Variants in PPP3CA observed in about 807,000 individuals in gnomAD.
PPP3CA encodes the protein protein phosphatase 3 catalytic subunit alpha.
Under a neutral mutation model 66.5 loss-of-function variants are expected in PPP3CA, and 14 were observed. The observed-to-expected ratio is 0.21, with a 90% CI of 0.14 to 0.33. The LOEUF (loss-of-function observed/expected upper bound fraction) is 0.33, where lower values mean the gene tolerates loss of function less well. PPP3CA is among the 10% of genes least tolerant of loss of function. PPP3CA has a pLI of 1.00. For missense variants in PPP3CA, 317 were observed against 639.5 expected (o/e 0.50, Z 5.44); for synonymous variants, 232 against 226.2 (o/e 1.03, Z -0.23).
intron 2 of PPP3CA, among the ~76,000 whole-genome samples, chr4:101,195,379 A>C (rs1189631384): frequency 1.3e-5 from 2 of 152,180 alleles, no homozygotes; most frequent in Non-Finnish European, 2.9e-5. Flanking sequence ...TGTGCATCAG[A>C]ATCACACAGA....
At chr4:101,033,487 G>A (rs1361058588) in intron 11 of PPP3CA, among the ~76,000 whole-genome samples, 4 of 152,184 alleles carry the variant, frequency 2.6e-5, no homozygotes, top group Admixed American at 1.3e-4. Flanking sequence ...AGTTACTTAA[G>A]AGTAAGGGAT....
chr4:101,251,415 G>T (rs1726673377), intron 1 of PPP3CA, among the ~76,000 whole-genome samples: 2 of 151,950 alleles, frequency 1.3e-5, no homozygotes, highest in African/African-American at 4.8e-5. Context: ...AAATATGACT[G>T]ACACGCAGTA....
At chr4:101,201,275 A>T (rs555869869) in intron 1 of PPP3CA, among the ~76,000 whole-genome samples, 2 of 152,340 alleles carry the variant, frequency 1.3e-5, no homozygotes, top group Admixed American at 1.3e-4. Context: ...TGGAAATTAA[A>T]TTTCTTAGCC....
At chr4:101,093,740 C>G in intron 6 of PPP3CA, 36 bp downstream of exon 6, 1 of 1,543,392 alleles carries the variant, frequency 6.5e-7, no homozygotes. Flanking sequence ...CATTATGATG[C>G]AAACGTGTTC....
At chr4:101,129,084 A>G (rs945376554) in intron 2 of PPP3CA, among the ~76,000 whole-genome samples, 1 of 152,130 alleles carries the variant, frequency 6.6e-6, no homozygotes, top group African/African-American at 2.4e-5. Flanking sequence ...GCCATTACTG[A>G]GGCTTGAGTA....
chr4:101,296,320 T>G (rs1265437121), intron 1 of PPP3CA, among the ~76,000 whole-genome samples: 2 of 152,170 alleles, frequency 1.3e-5, no homozygotes, highest in Non-Finnish European at 2.9e-5. Flanking sequence ...CTATTATGTT[T>G]GTTTTTAAAA....
At chr4:101,266,955 G>C (rs1727187234) in intron 1 of PPP3CA, among the ~76,000 whole-genome samples, 1 of 152,184 alleles carries the variant, frequency 6.6e-6, no homozygotes, top group South Asian at 2.1e-4. Flanking sequence ...AGGAGCATGA[G>C]ACAGACGAAC....
chr4:101,025,250 A>G lies in PPP3CA; in HGVS notation c.*615T>C, dbSNP rs896565688. On this transcript the variant is annotated 3_prime_UTR_variant, in exon 14 of 14. Coordinates refer to ENST00000394854, the MANE Select transcript of PPP3CA (RefSeq NM_000944.5). ...GTAAGCATAATCTGTACAAAATTAAACTGTCCTTTTTGGCATTTTAACAAA... is the reference window on the plus strand; with the variant it reads ...GTAAGCATAATCTGTACAAAATTAAGCTGTCCTTTTTGGCATTTTAACAAA... 6.6e-6 allele frequency: 1 copy of G among 152,118 alleles called. No homozygotes were observed. The highest frequency in any genetic ancestry group is 1.5e-5 in the Non-Finnish European group (1 of 67,944). 9.4% of individuals were successfully genotyped at this position (152,118 alleles called of 1,614,324 possible).
chr4:101,131,488 TA>T (rs747605400), intron 2 of PPP3CA, among the ~76,000 whole-genome samples: 8 of 141,612 alleles, frequency 5.6e-5, no homozygotes, highest in East Asian at 4.2e-4. Flanking sequence ...CCAACAAAGA[TA>T]AAAAAAAAGA....
Position 101,293,369 on chromosome 4 carries a change from C to T in PPP3CA, c.58+53370G>A, listed in dbSNP as rs17031147. On this transcript the variant is annotated intron_variant, in intron 1 of 13. Transcript: ENST00000394854. ...AGTGGCCAGGACAGGGAATAAGACA[C>T]GCTCAGGAACTCTTGATTCTTCAGA... Among the ~76,000 whole-genome samples the T allele has an allele frequency of 8.3e-3, 1,260 of 152,272 alleles. 13 individuals carry two copies. The highest frequency in any genetic ancestry group is 0.028 in the African/African-American group (1,168 of 41,556).
chr4:101,329,401 G>A (rs2110331100), intron 1 of PPP3CA, among the ~76,000 whole-genome samples: 1 of 152,188 alleles, frequency 6.6e-6, no homozygotes, highest in South Asian at 2.1e-4. Context: ...TGACATTTAA[G>A]GCAAAAAGCC....
Position 101,025,791 on chromosome 4 carries a change from T to TGCA in PPP3CA, c.*71_*73dup. On this transcript the variant is annotated 3_prime_UTR_variant, in exon 14 of 14. Coordinates refer to ENST00000394854, the MANE Select transcript of PPP3CA (RefSeq NM_000944.5). ...AGGCAAGAACATCCAACTGCTGATA[T>TGCA]GCAGCAATCCCCATCATGCCCCGCA... 2 of 1,222,634 alleles carry TGCA rather than the reference T, an allele frequency of 1.6e-6. No individual in the cohort carries two copies. Among genetic ancestry groups the TGCA allele is most frequent in the East Asian group, 4.9e-5 (2 of 40,590 alleles). 75.7% of individuals were successfully genotyped at this position (1,222,634 alleles called of 1,614,324 possible). A position where few individuals can be genotyped will look rare whatever the true frequency, so the allele number is the denominator to read the frequency against.
At chr4:101,335,027 G>T (rs1729579304) in intron 1 of PPP3CA, among the ~76,000 whole-genome samples, 1 of 152,108 alleles carries the variant, frequency 6.6e-6, no homozygotes, top group South Asian at 2.1e-4. Flanking sequence ...ATGTCAGAAT[G>T]CAAGTGAAAG....
intron 8 of PPP3CA, among the ~76,000 whole-genome samples, chr4:101,067,656 AG>A (rs1386744764): frequency 9.3e-6 from 1 of 107,636 alleles, no homozygotes; most frequent in African/African-American, 3.8e-5. Flanking sequence ...AAGAGTAGAA[AG>A]GCCTGTTGTG....
At chr4:101,231,412 G>A (rs1055145913) in intron 1 of PPP3CA, among the ~76,000 whole-genome samples, 6 of 151,700 alleles carry the variant, frequency 4.0e-5, no homozygotes, top group African/African-American at 1.5e-4. Flanking sequence ...AGATGCTAGG[G>A]AAGGAGGTAT....
At chr4:101,177,882 C>T (rs972191251) in intron 2 of PPP3CA, among the ~76,000 whole-genome samples, 1 of 151,490 alleles carries the variant, frequency 6.6e-6, no homozygotes, top group Non-Finnish European at 1.5e-5. Flanking sequence ...CCAGAGTACA[C>T]TACTATATAC....
intron 1 of PPP3CA, among the ~76,000 whole-genome samples, chr4:101,303,420 A>T (rs1229879487): frequency 6.6e-6 from 1 of 152,176 alleles, no homozygotes; most frequent in Non-Finnish European, 1.5e-5. Context: ...TATGAAATAC[A>T]TGACCATATA....
intron 1 of PPP3CA, among the ~76,000 whole-genome samples, chr4:101,275,526 T>A (rs1363426705): frequency 6.6e-6 from 1 of 152,100 alleles, no homozygotes; most frequent in African/African-American, 2.4e-5. Flanking sequence ...CGAGCAGAAA[T>A]CATTCCAATT....
At chr4:101,334,239 A>C (rs1241866973) in intron 1 of PPP3CA, among the ~76,000 whole-genome samples, 2 of 151,922 alleles carry the variant, frequency 1.3e-5, no homozygotes, top group African/African-American at 2.4e-5. Flanking sequence ...GGTTCAAGCG[A>C]TTCTCTTGCC....
Sources: allele counts gnomAD v4.1 joint callset (sites outside exome capture counted in the v4.1 genomes callset), GRCh38; gene constraint gnomAD v4.1.1; transcripts MANE v1.5; gene names NCBI Gene and HGNC (gene_info 2026-07-23, HGNC 2026-07-21).